Variants in DIAPH2 observed in about 807,000 individuals in gnomAD.
The protein encoded by DIAPH2 is diaphanous related formin 2.
In DIAPH2, 35 loss-of-function variants were observed where a neutral mutation model predicts 92.7. The observed-to-expected ratio is 0.38, with a 90% CI of 0.29 to 0.50. DIAPH2 has a LOEUF of 0.50. Ranked by LOEUF, DIAPH2 falls within the 20% of genes least tolerant of loss-of-function variation. DIAPH2 has a pLI of 0.94. For synonymous variants in DIAPH2, 301 were observed against 280.4 expected (o/e 1.07, Z -0.73); for missense variants, 701 against 819.5 (o/e 0.86, Z 1.77).
intron 23 of DIAPH2, among the ~76,000 whole-genome samples, chrX:97,314,103 T>C (rs1047727709): frequency 9.1e-6 from 1 of 110,029 alleles, no homozygotes; most frequent in African/African-American, 3.3e-5. Flanking sequence ...GTATTTTCTT[T>C]AGGTGTATTA....
intron 26 of DIAPH2, among the ~76,000 whole-genome samples, chrX:97,482,627 A>T (rs1303668596): frequency 7.5e-5 from 8 of 106,011 alleles, no homozygotes; most frequent in African/African-American, 2.4e-4. Context: ...AAATTGAGAG[A>T]GATATAAAAG....
chrX:97,121,796 A>C (rs2067060351), intron 21 of DIAPH2, among the ~76,000 whole-genome samples: 1 of 112,191 alleles, frequency 8.9e-6, no homozygotes, highest in Admixed American at 9.5e-5. Flanking sequence ...TTTAGAAAAT[A>C]ATCACTATAG....
intron 22 of DIAPH2, among the ~76,000 whole-genome samples, chrX:97,244,107 C>G (rs2068120226): frequency 1.8e-5 from 2 of 111,801 alleles, no homozygotes; most frequent in Non-Finnish European, 1.9e-5. Context: ...ACAAAAAGTA[C>G]ATATGAAATG....
At chrX:96,892,148 G>A (rs1287221574) in intron 5 of DIAPH2, among the ~76,000 whole-genome samples, 2 of 111,468 alleles carry the variant, frequency 1.8e-5, no homozygotes, top group Non-Finnish European at 3.8e-5. Flanking sequence ...TGGCAAAGCG[G>A]CCAACAGTAC....
chrX:96,697,044 T>C (rs1210898261), intron 1 of DIAPH2, among the ~76,000 whole-genome samples: 2 of 109,868 alleles, frequency 1.8e-5, no homozygotes, highest in African/African-American at 6.6e-5. Context: ...AGCTTGGGGG[T>C]TTGCTACTTT....
intron 25 of DIAPH2, among the ~76,000 whole-genome samples, chrX:97,427,082 G>A (rs1382502238): frequency 9.2e-6 from 1 of 108,821 alleles, no homozygotes; most frequent in East Asian, 2.9e-4. Context: ...GGAGGCTGAG[G>A]CAGGAGAATT....
At chrX:97,194,547 G>A (rs2147484727) in intron 22 of DIAPH2, among the ~76,000 whole-genome samples, 1 of 111,380 alleles carries the variant, frequency 9.0e-6, no homozygotes, top group East Asian at 2.8e-4. Context: ...GCCTCCCAAA[G>A]TGCTGGGATT....
intron 23 of DIAPH2, among the ~76,000 whole-genome samples, chrX:97,282,984 T>C (rs1301341895): frequency 9.0e-6 from 1 of 111,352 alleles, no homozygotes; most frequent in Non-Finnish European, 1.9e-5. Flanking sequence ...TGTCATAACA[T>C]AATTGGATGT....
At chrX:96,722,352 GT>G (rs1569374899) in intron 1 of DIAPH2, among the ~76,000 whole-genome samples, 1 of 108,899 alleles carries the variant, frequency 9.2e-6, no homozygotes. Flanking sequence ...GCGAGACTCC[GT>G]CTTAGAAAAA....
intron 5 of DIAPH2, among the ~76,000 whole-genome samples, chrX:96,883,356 T>C (rs2065232584): frequency 9.1e-6 from 1 of 110,096 alleles, no homozygotes; most frequent in Non-Finnish European, 1.9e-5. Flanking sequence ...TCTTCCAAAA[T>C]GCTCCTAGGT....
chrX:97,370,838 T>A lies in DIAPH2; in HGVS notation c.3010-13071T>A, dbSNP rs185852943. On this transcript the variant is annotated intron_variant, in intron 24 of 26. Coordinates refer to ENST00000324765, the MANE Select transcript of DIAPH2 (RefSeq NM_006729.5). The stretch of plus-strand genomic sequence containing the variant: ...GACTAATTTCATTTGATTCAGAGGT[T>A]AATTCGGAACGAGGAGTTTCAATTA... Among the ~76,000 whole-genome samples, 628 of 112,186 alleles carry A rather than the reference T, an allele frequency of 5.6e-3. 2 individuals carry two copies. Among genetic ancestry groups the A allele is most frequent in the African/African-American group, 0.019 (595 of 30,902 alleles).
intron 26 of DIAPH2, among the ~76,000 whole-genome samples, chrX:97,549,335 TA>T (rs759414359): frequency 7.4e-4 from 83 of 111,865 alleles, no homozygotes; most frequent in African/African-American, 2.6e-3. Context: ...TTTATAGCTT[TA>T]AAAAAATTAT....
intron 25 of DIAPH2, among the ~76,000 whole-genome samples, chrX:97,408,539 C>A (rs1661659784): frequency 1.8e-5 from 2 of 110,994 alleles, no homozygotes. Context: ...TAATTAAGGT[C>A]TACCTGAATT....
intron 3 of DIAPH2, among the ~76,000 whole-genome samples, chrX:96,753,345 A>G (rs1364219137): frequency 8.9e-6 from 1 of 112,107 alleles, no homozygotes; most frequent in African/African-American, 3.2e-5. Flanking sequence ...GGCCAGTAAG[A>G]TAATAAAATC....
At chrX:97,217,993 A>G (rs1407372904) in intron 22 of DIAPH2, among the ~76,000 whole-genome samples, 2 of 112,050 alleles carry the variant, frequency 1.8e-5, no homozygotes, top group Non-Finnish European at 3.8e-5. Context: ...TTTTTGAAAA[A>G]GAAATTTAGA....
At chrX:97,265,088 C>T (rs1213715806) in intron 23 of DIAPH2, among the ~76,000 whole-genome samples, 1 of 111,684 alleles carries the variant, frequency 9.0e-6, no homozygotes, top group Non-Finnish European at 1.9e-5. Context: ...TATTTTTGTT[C>T]CAGTATCTCA....
At chrX:96,707,019 G>A (rs1028657747) in intron 1 of DIAPH2, among the ~76,000 whole-genome samples, 3 of 110,231 alleles carry the variant, frequency 2.7e-5, no homozygotes, top group East Asian at 2.9e-4. Flanking sequence ...CACATTGCAG[G>A]TGGGCACGGT....
chrX:97,419,914 G>T (rs1176215649), intron 25 of DIAPH2, among the ~76,000 whole-genome samples: 1 of 111,262 alleles, frequency 9.0e-6, no homozygotes, highest in Non-Finnish European at 1.9e-5. Flanking sequence ...AGCCTTCCAT[G>T]CTCTTAGTAA....
intron 26 of DIAPH2, among the ~76,000 whole-genome samples, chrX:97,467,711 C>G (rs1197083431): frequency 8.9e-6 from 1 of 112,097 alleles, no homozygotes; most frequent in Admixed American, 9.5e-5. Context: ...ACACTTGTGG[C>G]TCTGTGATGT....
Sources: allele counts gnomAD v4.1 joint callset (sites outside exome capture counted in the v4.1 genomes callset), GRCh38; gene constraint gnomAD v4.1.1; transcripts MANE v1.5; gene names NCBI Gene and HGNC (gene_info 2026-07-23, HGNC 2026-07-21).